The following SAMMSON variants were observed in gnomAD, a reference collection of about 807,000 sequenced individuals.
SAMMSON encodes the protein survival associated mitochondrial melanoma specific oncogenic non-coding RNA.
At chr3:70,230,843 G>A (rs374235420) in intron 4 of SAMMSON, among the ~76,000 whole-genome samples, 3 of 152,220 alleles carry the variant, frequency 2.0e-5, no homozygotes, top group East Asian at 3.9e-4. Flanking sequence ...TGCCACACCT[G>A]CTGTGTTACT....
intron 4 of SAMMSON, among the ~76,000 whole-genome samples, chr3:70,129,929 A>G (rs950836984): frequency 6.6e-6 from 1 of 152,212 alleles, no homozygotes; most frequent in Non-Finnish European, 1.5e-5. Context: ...TACTTTATAC[A>G]TAGTGAAATG....
At chr3:70,167,758 C>T (rs564652336) in intron 4 of SAMMSON, among the ~76,000 whole-genome samples, 1 of 151,968 alleles carries the variant, frequency 6.6e-6, no homozygotes, top group East Asian at 1.9e-4. Flanking sequence ...ATTATGACAC[C>T]CTAGCTGCTA....
At chr3:70,014,047 T>A (rs1476406207) in intron 3 of SAMMSON, 1 of 152,212 alleles carries the variant, frequency 6.6e-6, no homozygotes, top group Non-Finnish European at 1.5e-5. Flanking sequence ...GAATCTTTAC[T>A]TTGCCATCTT....
chr3:70,399,091 G>A (rs1701115386), intron 2 of SAMMSON, among the ~76,000 whole-genome samples: 1 of 152,176 alleles, frequency 6.6e-6, no homozygotes. Flanking sequence ...TGGAAATGGA[G>A]ACAGAAATGT....
At chr3:70,083,075 A>G (rs534060146) in intron 4 of SAMMSON, among the ~76,000 whole-genome samples, 3 of 152,280 alleles carry the variant, frequency 2.0e-5, no homozygotes, top group East Asian at 1.9e-4. Context: ...TTCCTTGGCT[A>G]TTGGTGAACC....
intron 4 of SAMMSON, among the ~76,000 whole-genome samples, chr3:70,233,807 T>C (rs1249335014): frequency 1.3e-5 from 2 of 152,254 alleles, no homozygotes; most frequent in Non-Finnish European, 1.5e-5. Flanking sequence ...ATTCAGATTG[T>C]TGCATATCTA....
intron 1 of SAMMSON, among the ~76,000 whole-genome samples, chr3:70,011,616 T>C (rs982330870): frequency 4.2e-4 from 64 of 152,062 alleles, no homozygotes; most frequent in Non-Finnish European, 5.1e-4. Flanking sequence ...TTTTTTTTTT[T>C]TTTTACTATG....
At chr3:70,386,824 T>C (rs1703126646) in intron 9 of SAMMSON, among the ~76,000 whole-genome samples, 1 of 152,076 alleles carries the variant, frequency 6.6e-6, no homozygotes, top group African/African-American at 2.4e-5. Flanking sequence ...AAACGAGTTT[T>C]ACATTTAATG....
chr3:70,067,159 C>T (rs2067212714), intron 3 of SAMMSON, among the ~76,000 whole-genome samples: 1 of 151,936 alleles, frequency 6.6e-6, no homozygotes, highest in African/African-American at 2.4e-5. Context: ...AAAACCAAGG[C>T]AAACAAAACT....
intron 4 of SAMMSON, among the ~76,000 whole-genome samples, chr3:70,108,380 C>A (rs60995599): frequency 0.092 from 12,580 of 137,324 alleles, 619 homozygotes; most frequent in Middle Eastern, 0.12. Flanking sequence ...CAGCAAGCCC[C>A]GCATAGCTTA....
exon 2 of SAMMSON, chr3:70,012,595 T>C (rs2066962552): frequency 2.6e-5 from 4 of 152,140 alleles, no homozygotes; most frequent in Admixed American, 2.6e-4. Context: ...TCTAGATGTG[T>C]AAGGTAATAC....
intron 4 of SAMMSON, among the ~76,000 whole-genome samples, chr3:70,143,690 G>A (rs2067536991): frequency 6.6e-6 from 1 of 152,090 alleles, no homozygotes; most frequent in East Asian, 1.9e-4. Flanking sequence ...AGTTACTTTG[G>A]AAATCACTCC....
chr3:70,203,594 A>T (rs754763250), intron 4 of SAMMSON, among the ~76,000 whole-genome samples: 12 of 152,178 alleles, frequency 7.9e-5, no homozygotes, highest in Non-Finnish European at 1.3e-4. Context: ...TGAAATAATT[A>T]TAAAATTGAA....
At chr3:70,195,295 CTT>C (rs1398077827) in intron 4 of SAMMSON, among the ~76,000 whole-genome samples, 4 of 152,042 alleles carry the variant, frequency 2.6e-5, no homozygotes, top group African/African-American at 9.7e-5. Context: ...AGCAGAAAGA[CTT>C]TTTCATGGAA....
At chr3:70,390,431 C>T (rs573408393), downstream of SAMMSON, among the ~76,000 whole-genome samples, 12 of 152,198 alleles carry the variant, frequency 7.9e-5, no homozygotes, top group East Asian at 2.1e-3. Context: ...TTAATTGGCT[C>T]ATGGTTCTGC....
chr3:70,365,670 T>C (rs1186894425), intron 9 of SAMMSON, among the ~76,000 whole-genome samples: 2 of 151,812 alleles, frequency 1.3e-5, no homozygotes, highest in Non-Finnish European at 3.0e-5. Flanking sequence ...GTTCTGCAGT[T>C]AGGTGTAGTT....
chr3:70,390,226 G>A (rs1169615887), downstream of SAMMSON, among the ~76,000 whole-genome samples: 1 of 152,072 alleles, frequency 6.6e-6, no homozygotes, highest in Non-Finnish European at 1.5e-5. Flanking sequence ...TTACAGAGGA[G>A]TTGGCCTGGT....
chr3:70,400,167 C>T (rs1042472182), intron 2 of SAMMSON, among the ~76,000 whole-genome samples: 2 of 151,966 alleles, frequency 1.3e-5, no homozygotes, highest in Admixed American at 6.6e-5. Context: ...AAAAGGGGAC[C>T]AATCAAAAAC....
intron 4 of SAMMSON, among the ~76,000 whole-genome samples, chr3:70,151,943 G>A (rs1371851335): frequency 6.6e-6 from 1 of 151,882 alleles, no homozygotes; most frequent in African/African-American, 2.4e-5. Flanking sequence ...GCAATTTTAA[G>A]TAAAATCATA....
Sources: gnomAD v4.1 joint callset for allele counts (sites outside exome capture counted in the v4.1 genomes callset) on GRCh38, gnomAD v4.1.1 for gene constraint, MANE v1.5 for transcripts, NCBI Gene and HGNC (gene_info 2026-07-23, HGNC 2026-07-21) for gene names.